NCAM2: variants seen among roughly 807,000 people sequenced by gnomAD.
NCAM2 encodes the protein neural cell adhesion molecule 2, also known as N-CAM-2.
A neutral mutation model predicts 98.1 loss-of-function variants in NCAM2; 30 were observed. That is an observed-to-expected ratio of 0.31 (90% CI 0.23 to 0.41). The LOEUF (loss-of-function observed/expected upper bound fraction) is 0.41, where lower values mean the gene tolerates loss of function less well. Among genes scored for constraint, NCAM2 ranks in the 10% least tolerant of loss-of-function variants. The pLI, the probability that NCAM2 is intolerant of heterozygous loss-of-function variation, is 1.00. For synonymous variants in NCAM2, 368 were observed against 342.4 expected, an observed-to-expected ratio of 1.07 and a Z score of -0.83; for missense variants, 867 against 1,005.8, an observed-to-expected ratio of 0.86 and a Z score of 1.87.
At chr21:21,316,168 G>T (rs1215902722) in intron 5 of NCAM2, among the ~76,000 whole-genome samples, 2 of 152,090 alleles carry the variant, frequency 1.3e-5, no homozygotes, top group Non-Finnish European at 2.9e-5. Flanking sequence ...AAAAGTAAAA[G>T]ATTTATAGGG....
chr21:21,355,523 GAGGA>G (rs2075451718), intron 8 of NCAM2, among the ~76,000 whole-genome samples: 2 of 97,218 alleles, frequency 2.1e-5, no homozygotes, highest in Non-Finnish European at 5.0e-5. Context: ...GGGAGAGAGG[GAGGA>G]GGGAGGGAGG....
At chr21:21,142,943 A>G (rs2067200103) in intron 1 of NCAM2, among the ~76,000 whole-genome samples, 1 of 152,146 alleles carries the variant, frequency 6.6e-6, no homozygotes, top group Non-Finnish European at 1.5e-5. Flanking sequence ...TTGTTATTAG[A>G]TTTCGAGGGA....
At chr21:21,027,437 A>T (rs981938023) in intron 1 of NCAM2, among the ~76,000 whole-genome samples, 3 of 152,354 alleles carry the variant, frequency 2.0e-5, no homozygotes, top group Admixed American at 2.0e-4. Flanking sequence ...GAAGTTACTT[A>T]TGCAGATTGT....
At position 21,536,537 on chromosome 21, in the gene NCAM2, G is replaced by T. The variant is rs563291700; in HGVS notation, c.2403-1309G>T. On this transcript the variant is annotated intron_variant, in intron 17 of 17. Coordinates refer to ENST00000400546, the MANE Select transcript of NCAM2 (RefSeq NM_004540.5). The stretch of plus-strand genomic sequence containing the variant: ...CTCCCGAATAGCTGGGATTACAGGC[G>T]CACGCTGCCACACCAGGTTAATTTG... Among the ~76,000 whole-genome samples the T allele has an allele frequency of 3.3e-5, 5 of 151,894 alleles. No homozygotes were observed. In the South Asian group the frequency reaches 1.0e-3, roughly 32 times the overall value.
At chr21:21,435,513 G>T (rs1182468643) in intron 12 of NCAM2, among the ~76,000 whole-genome samples, 1 of 152,144 alleles carries the variant, frequency 6.6e-6, no homozygotes, top group Non-Finnish European at 1.5e-5. Context: ...ATTGCGGGGA[G>T]TGGGAAGGAC....
At chr21:21,196,094 C>G (rs2068994628) in intron 1 of NCAM2, among the ~76,000 whole-genome samples, 3 of 152,116 alleles carry the variant, frequency 2.0e-5, no homozygotes, top group Admixed American at 2.0e-4. Context: ...ACCAAAAACT[C>G]TTTAGTGTGA....
chr21:21,406,389 G>C (rs1286149847), intron 9 of NCAM2, among the ~76,000 whole-genome samples: 3 of 152,164 alleles, frequency 2.0e-5, no homozygotes, highest in Non-Finnish European at 4.4e-5. Context: ...GAAGAACTTG[G>C]TCAGATAGCA....
At chr21:21,497,503 T>G (rs1229494852) in intron 15 of NCAM2, among the ~76,000 whole-genome samples, 1 of 152,168 alleles carries the variant, frequency 6.6e-6, no homozygotes, top group Non-Finnish European at 1.5e-5. Flanking sequence ...TAAAAGGATA[T>G]GGTTATCGGT....
In NCAM2 at chr21:21,539,682, T is replaced by A. The variant is rs549922317; in HGVS notation, c.*1725T>A. 2.6e-4 allele frequency: 40 copies of A among 152,284 alleles called. No individual in the cohort carries two copies. The highest frequency in any genetic ancestry group is 9.6e-4 in the African/African-American group (40 of 41,570). 9.4% of individuals were successfully genotyped at this position (152,284 alleles called of 1,614,324 possible). A position where few individuals can be genotyped will look rare whatever the true frequency, so the allele number is the denominator to read the frequency against. Reference sequence around the variant, plus strand: ...TCGTCGCAGTGTCTTTGCCATAAGTTGCAGGGTTAAATGCGGGAATCTCTC... The same window carrying A: ...TCGTCGCAGTGTCTTTGCCATAAGTAGCAGGGTTAAATGCGGGAATCTCTC... On this transcript the variant is annotated 3_prime_UTR_variant, in exon 18 of 18. Coordinates refer to ENST00000400546, the MANE Select transcript of NCAM2 (RefSeq NM_004540.5).
chr21:21,403,844 T>C (rs147684738), intron 9 of NCAM2, among the ~76,000 whole-genome samples: 1 of 152,270 alleles, frequency 6.6e-6, no homozygotes, highest in Non-Finnish European at 1.5e-5. Flanking sequence ...TTATGGAGTA[T>C]GATTAATTCT....
chr21:21,127,904 T>C (rs2066860808), intron 1 of NCAM2, among the ~76,000 whole-genome samples: 1 of 152,182 alleles, frequency 6.6e-6, no homozygotes, highest in African/African-American at 2.4e-5. Context: ...TTAGCTTCCT[T>C]AAATAACACA....
chr21:21,022,297 A>C (rs991923037), intron 1 of NCAM2, among the ~76,000 whole-genome samples: 3 of 152,118 alleles, frequency 2.0e-5, no homozygotes, highest in African/African-American at 7.2e-5. Context: ...CTTAATGAAG[A>C]ATATATACAA....
At chr21:21,308,769 C>A (rs2073956694) in intron 5 of NCAM2, among the ~76,000 whole-genome samples, 1 of 152,136 alleles carries the variant, frequency 6.6e-6, no homozygotes, top group Non-Finnish European at 1.5e-5. Flanking sequence ...TCCAACTGAT[C>A]TTGATCTTAT....
chr21:21,457,757 A>G (rs1426248138), intron 12 of NCAM2, among the ~76,000 whole-genome samples: 3 of 152,154 alleles, frequency 2.0e-5, no homozygotes, highest in Admixed American at 6.5e-5. Flanking sequence ...ATTTCTCAAC[A>G]AAGTGTTGAA....
chr21:21,349,080 C>G (rs2075266602), intron 8 of NCAM2, among the ~76,000 whole-genome samples: 1 of 152,060 alleles, frequency 6.6e-6, no homozygotes, highest in African/African-American at 2.4e-5. Context: ...CAAACGTAGA[C>G]AAGTGGGATC....
At chr21:21,067,527 A>G (rs1256129705) in intron 1 of NCAM2, among the ~76,000 whole-genome samples, 1 of 152,170 alleles carries the variant, frequency 6.6e-6, no homozygotes, top group Non-Finnish European at 1.5e-5. Flanking sequence ...CTCAATATGT[A>G]TTGAAAACTT....
intron 12 of NCAM2, among the ~76,000 whole-genome samples, chr21:21,445,048 G>A (rs1281132060): frequency 6.6e-6 from 1 of 152,034 alleles, no homozygotes; most frequent in African/African-American, 2.4e-5. Context: ...ATTCTCATTG[G>A]TTTCAAATAA....
At chr21:21,335,275 G>A (rs1001673376) in intron 6 of NCAM2, among the ~76,000 whole-genome samples, 1 of 151,942 alleles carries the variant, frequency 6.6e-6, no homozygotes, top group African/African-American at 2.4e-5. Context: ...TTTTGACATA[G>A]TTCAAATGTT....
chr21:21,371,021 CT>C (rs1331225973), intron 8 of NCAM2, among the ~76,000 whole-genome samples: 4 of 151,782 alleles, frequency 2.6e-5, no homozygotes, highest in African/African-American at 9.7e-5. Flanking sequence ...ATGTATTTAT[CT>C]TTCTGACATC....
Sources: gnomAD v4.1 joint callset for allele counts (sites outside exome capture counted in the v4.1 genomes callset) on GRCh38, gnomAD v4.1.1 for gene constraint, MANE v1.5 for transcripts, NCBI Gene and HGNC (gene_info 2026-07-23, HGNC 2026-07-21) for gene names.